Variants in NFIB observed in about 807,000 individuals in gnomAD.
NFIB encodes nuclear factor 1 B-type.
In NFIB, 11 loss-of-function variants were observed where a neutral mutation model predicts 61.5. That is an observed-to-expected ratio of 0.18 (90% confidence interval 0.11 to 0.30). The LOEUF (loss-of-function observed/expected upper bound fraction) is 0.30. Among genes scored for constraint, NFIB ranks in the 10% least tolerant of loss-of-function variants. NFIB has a pLI of 1.00. For missense variants in NFIB, 471 were observed against 608.9 expected (o/e 0.77, Z 2.38); for synonymous variants, 260 against 216.5 (o/e 1.20, Z -1.76).
At chr9:14,507,146 C>T in the NFIB span, among the ~76,000 whole-genome samples, 1 of 152,182 alleles carries the variant, frequency 6.6e-6, no homozygotes. Flanking sequence ...CAACTGTGTC[C>T]TGTTACATTT....
chr9:14,388,485 A>AAG (rs145953271), intron 1 of NFIB, among the ~76,000 whole-genome samples: 2 of 137,836 alleles, frequency 1.5e-5, no homozygotes, highest in South Asian at 4.9e-4. Flanking sequence ...GAGAGAGAGA[A>AAG]AGAGAGAGAG....
the NFIB span, among the ~76,000 whole-genome samples, chr9:14,459,544 G>A: frequency 1.3e-5 from 2 of 152,054 alleles, no homozygotes; most frequent in Non-Finnish European, 2.9e-5. Context: ...AAGAGCTTCT[G>A]CACAGCAAAA....
At chr9:14,227,876 CA>C (rs1342718328) in intron 2 of NFIB, among the ~76,000 whole-genome samples, 2 of 152,182 alleles carry the variant, frequency 1.3e-5, no homozygotes, top group African/African-American at 2.4e-5. Flanking sequence ...TCCAGCCACT[CA>C]ACCTCTCAGT....
chr9:14,449,975 A>T, the NFIB span, among the ~76,000 whole-genome samples: 2 of 152,000 alleles, frequency 1.3e-5, no homozygotes, highest in Non-Finnish European at 2.9e-5. Context: ...TTTTTTTTAA[A>T]AAAAATTATT....
chr9:14,159,758 T>G (rs933935920), intron 3 of NFIB, among the ~76,000 whole-genome samples: 2 of 152,356 alleles, frequency 1.3e-5, no homozygotes, highest in South Asian at 2.1e-4. Context: ...TGAGAGGATT[T>G]TGAAATGGGC....
At position 14,125,774 on chromosome 9, in the gene NFIB, A is replaced by C. The variant is rs764822735; in HGVS notation, c.926-8T>G. 5.0e-6 allele frequency: 8 copies of C among 1,613,112 alleles called. No individual in the cohort carries two copies. In the Admixed American group the frequency reaches 1.3e-4, roughly 27 times the overall value. On this transcript the variant is annotated splice_region_variant and splice_polypyrimidine_tract_variant and intron_variant, in intron 6 of 10. Coordinates refer to ENST00000380953, the MANE Select transcript of NFIB (RefSeq NM_001190737.2). ...TAGTCGGAGAAGACATATCTGCGAGAAACAGAGAAAAACCCAAAGCTCCAT... is the reference window on the plus strand; with the variant it reads ...TAGTCGGAGAAGACATATCTGCGAGCAACAGAGAAAAACCCAAAGCTCCAT...
intron 2 of NFIB, among the ~76,000 whole-genome samples, chr9:14,274,459 C>G (rs2057859136): frequency 6.6e-6 from 1 of 152,114 alleles, no homozygotes; most frequent in South Asian, 2.1e-4. Context: ...GTAAATTTAC[C>G]TCTGTGTGCT....
At chr9:14,381,224 C>T (rs1275290963) in intron 1 of NFIB, among the ~76,000 whole-genome samples, 1 of 151,772 alleles carries the variant, frequency 6.6e-6, no homozygotes, top group Non-Finnish European at 1.5e-5. Context: ...CAGAGTCTCC[C>T]TCTGTCGCCC....
chr9:14,226,955 G>C (rs546363042), intron 2 of NFIB, among the ~76,000 whole-genome samples: 89 of 150,466 alleles, frequency 5.9e-4, no homozygotes, highest in African/African-American at 2.0e-3. Context: ...GCCTGACTAA[G>C]ATGGTGAAAC....
At chr9:14,288,696 G>C (rs1418858428) in intron 2 of NFIB, among the ~76,000 whole-genome samples, 2 of 152,008 alleles carry the variant, frequency 1.3e-5, no homozygotes, top group African/African-American at 2.4e-5. Context: ...GGGTTAGTTA[G>C]TTGTATACTT....
upstream of NFIB, among the ~76,000 whole-genome samples, chr9:14,318,212 G>A (rs1168712902): frequency 6.6e-6 from 1 of 151,936 alleles, no homozygotes; most frequent in Non-Finnish European, 1.5e-5. Flanking sequence ...AAAAAAAAAA[G>A]TTTCCTTTCT....
At chr9:14,395,802 T>G (rs1442919116) in intron 1 of NFIB, among the ~76,000 whole-genome samples, 2 of 130,690 alleles carry the variant, frequency 1.5e-5, no homozygotes, top group Admixed American at 9.0e-5. Flanking sequence ...ACATCACAGA[T>G]AGCCATGGGT....
the NFIB span, among the ~76,000 whole-genome samples, chr9:14,474,936 C>T: frequency 5.9e-5 from 9 of 152,202 alleles, no homozygotes; most frequent in African/African-American, 1.2e-4. Context: ...TTCACTCTGT[C>T]TTTCTATCTG....
the NFIB span, among the ~76,000 whole-genome samples, chr9:14,432,504 C>T: frequency 6.6e-6 from 1 of 152,336 alleles, no homozygotes; most frequent in South Asian, 2.1e-4. Flanking sequence ...AAATTCATTG[C>T]ACTTTCAGCC....
the NFIB span, among the ~76,000 whole-genome samples, chr9:14,406,258 T>G: frequency 6.6e-6 from 1 of 152,208 alleles, no homozygotes; most frequent in Non-Finnish European, 1.5e-5. Flanking sequence ...TTTCCCCCAG[T>G]AAAATATGAC....
At chr9:14,280,763 C>G (rs1445958182) in intron 2 of NFIB, among the ~76,000 whole-genome samples, 1 of 151,994 alleles carries the variant, frequency 6.6e-6, no homozygotes, top group Non-Finnish European at 1.5e-5. Context: ...ATGAAATTTA[C>G]TATTTTACGA....
intron 1 of NFIB, among the ~76,000 whole-genome samples, chr9:14,367,775 A>G (rs909675857): frequency 2.0e-5 from 3 of 152,212 alleles, no homozygotes; most frequent in African/African-American, 7.2e-5. Context: ...AGACTAACAC[A>G]GGAACAGAAA....
chr9:14,196,262 AGCTTCACTC>A (rs886474523), intron 2 of NFIB, among the ~76,000 whole-genome samples: 2 of 152,174 alleles, frequency 1.3e-5, no homozygotes, highest in Non-Finnish European at 2.9e-5. Flanking sequence ...AGTGAAAGAT[AGCTTCACTC>A]GCTTGGGTTA....
chr9:14,140,724 A>G (rs1291343978), intron 6 of NFIB, among the ~76,000 whole-genome samples: 1 of 152,146 alleles, frequency 6.6e-6, no homozygotes, highest in East Asian at 1.9e-4. Context: ...AGTTGAGCCC[A>G]GGAGTTCCAG....
Sources: allele counts gnomAD v4.1 joint callset (sites outside exome capture counted in the v4.1 genomes callset), GRCh38; gene constraint gnomAD v4.1.1; transcripts MANE v1.5; gene names NCBI Gene and HGNC (gene_info 2026-07-23, HGNC 2026-07-21).